RAPGEF5: variants seen among roughly 807,000 people sequenced by gnomAD.
RAPGEF5 encodes Rap guanine nucleotide exchange factor 5, also known as M-Ras-regulated GEF.
In RAPGEF5, 65 loss-of-function variants were observed where a neutral mutation model predicts 125.2. The ratio of observed to expected loss-of-function variants is 0.52; its 90% confidence interval spans 0.43 to 0.64. The LOEUF (loss-of-function observed/expected upper bound fraction) is 0.64, where lower values mean the gene tolerates loss of function less well. RAPGEF5 is among the 30% of genes least tolerant of loss of function. The pLI, the probability that RAPGEF5 is intolerant of heterozygous loss-of-function variation, is 0.00. For missense variants in RAPGEF5, 958 were observed against 1,048.1 expected (o/e 0.91, Z 1.19); for synonymous variants, 391 against 385.9 (o/e 1.01, Z -0.16).
intron 13 of RAPGEF5, among the ~76,000 whole-genome samples, chr7:22,161,538 ACAC>A: frequency 8.7e-5 from 1 of 11,464 alleles, no homozygotes; most frequent in East Asian, 3.0e-3. Flanking sequence ...CCCTGTCTCA[ACAC>A]ACACACACAC....
intron 1 of RAPGEF5, among the ~76,000 whole-genome samples, chr7:22,327,336 T>C (rs967214723): frequency 6.6e-6 from 1 of 152,258 alleles, no homozygotes; most frequent in Non-Finnish European, 1.5e-5. Flanking sequence ...TCCAGATTCT[T>C]ATTTACATTT....
At chr7:22,193,169 A>G (rs1785047867) in intron 11 of RAPGEF5, 198 bp downstream of exon 11, 1 of 616,252 alleles carries the variant, frequency 1.6e-6, no homozygotes, top group Admixed American at 3.0e-5. Flanking sequence ...GCTACTTCCC[A>G]GGGAGCTGCT....
chr7:22,122,392 T>G lies in RAPGEF5; in HGVS notation c.*14A>C, dbSNP rs1185378725. ...CAAAGTGCTGCAGATACAGGGGAGG[T>G]GAGGCAGTGGGGCTCACACCCGAGG... On this transcript the variant is annotated 3_prime_UTR_variant, in exon 26 of 26. Coordinates refer to ENST00000665637, the MANE Select transcript of RAPGEF5 (RefSeq NM_012294.5). 1 of 1,590,090 alleles carries G rather than the reference T, an allele frequency of 6.3e-7. No homozygotes were observed. The highest frequency in any genetic ancestry group is 2.2e-5 in the East Asian group (1 of 44,710).
At chr7:22,221,668 G>C (rs1191290752) in intron 8 of RAPGEF5, among the ~76,000 whole-genome samples, 1 of 152,084 alleles carries the variant, frequency 6.6e-6, no homozygotes, top group South Asian at 2.1e-4. Context: ...CCCTGCACAA[G>C]CTCTCTTGCC....
At chr7:22,125,437 G>T in intron 25 of RAPGEF5, 167 bp downstream of exon 25, 2 of 597,132 alleles carry the variant, frequency 3.3e-6, no homozygotes, top group Non-Finnish European at 2.9e-6. Context: ...TCCCCAACAT[G>T]CAGTGAGGAA....
rs1420542538 is a variant in RAPGEF5 at position 22,159,714 on chromosome 7, G to T, written c.1526+804C>A. The stretch of plus-strand genomic sequence containing the variant: ...CTGAAAGATTAATGACAGATACCTA[G>T]GGGACACTTAGACATGCCAAGAGTC... On this transcript the variant is annotated intron_variant, in intron 14 of 25. Transcript: ENST00000665637. 2.6e-5 allele frequency among the ~76,000 whole-genome samples: 4 copies of T among 152,142 alleles called. No homozygotes were observed. The East Asian group carries it at 7.7e-4, about 29-fold the overall frequency.
chr7:22,273,099 A>ATAGT (rs1332401163), intron 6 of RAPGEF5, among the ~76,000 whole-genome samples: 3 of 151,798 alleles, frequency 2.0e-5, no homozygotes, highest in African/African-American at 7.3e-5. Flanking sequence ...TATTTAACAG[A>ATAGT]TAGTTATTTC....
intron 3 of RAPGEF5, among the ~76,000 whole-genome samples, chr7:22,314,103 A>G (rs1783537154): frequency 6.6e-6 from 1 of 152,264 alleles, no homozygotes; most frequent in Non-Finnish European, 1.5e-5. Context: ...GATTGATTAA[A>G]TGTGCTTAAT....
At chr7:22,240,786 T>C (rs1383710744) in intron 7 of RAPGEF5, among the ~76,000 whole-genome samples, 1 of 152,180 alleles carries the variant, frequency 6.6e-6, no homozygotes, top group Non-Finnish European at 1.5e-5. Flanking sequence ...TCCTAGATAT[T>C]GCAAAATGTT....
chr7:22,217,233 T>C (rs187725001), intron 9 of RAPGEF5, among the ~76,000 whole-genome samples: 550 of 152,356 alleles, frequency 3.6e-3, no homozygotes, highest in Middle Eastern at 0.02. Flanking sequence ...CTTCAGGGTT[T>C]GGTCATTATT....
intron 3 of RAPGEF5, among the ~76,000 whole-genome samples, chr7:22,313,955 C>T (rs1169473141): frequency 2.0e-5 from 3 of 152,138 alleles, no homozygotes; most frequent in Non-Finnish European, 4.4e-5. Context: ...GAATGAATCC[C>T]TAATGGGAGG....
At chr7:22,310,175 T>G (rs1429693106) in intron 3 of RAPGEF5, 85 bp from the exon 4 acceptor site, 1 of 1,288,200 alleles carries the variant, frequency 7.8e-7, no homozygotes, top group Non-Finnish European at 9.9e-7. Flanking sequence ...ATACCTTTCC[T>G]TTCATGTGCT....
At chr7:22,327,280 C>T (rs1224826759) in intron 1 of RAPGEF5, among the ~76,000 whole-genome samples, 1 of 152,190 alleles carries the variant, frequency 6.6e-6, no homozygotes, top group Admixed American at 6.5e-5. Flanking sequence ...CATTCATATG[C>T]TCAAATCTCC....
Position 22,194,230 on chromosome 7 carries a change from T to C in RAPGEF5, c.997-197A>G, listed in dbSNP as rs865895137. ...TTAAAGTATCCAGGCTCAAGTGCTATGAAAACTTAAAACATTAGACAGACA... is the reference window on the plus strand; with the variant it reads ...TTAAAGTATCCAGGCTCAAGTGCTACGAAAACTTAAAACATTAGACAGACA... On this transcript the variant is annotated intron_variant, in intron 9 of 25. Coordinates refer to ENST00000665637, the MANE Select transcript of RAPGEF5 (RefSeq NM_012294.5). Among the ~76,000 whole-genome samples the C allele has an allele frequency of 3.3e-5, 5 of 152,236 alleles. 1 individual carries two copies. The Middle Eastern group carries it at 0.017, about 518-fold the overall frequency.
At chr7:22,313,508 G>A (rs1783520249) in intron 3 of RAPGEF5, among the ~76,000 whole-genome samples, 1 of 152,158 alleles carries the variant, frequency 6.6e-6, no homozygotes, top group Non-Finnish European at 1.5e-5. Context: ...GAAAAGAATG[G>A]TGGTCCTGGC....
intron 7 of RAPGEF5, among the ~76,000 whole-genome samples, chr7:22,241,875 G>A (rs1786340166): frequency 6.6e-6 from 1 of 152,078 alleles, no homozygotes; most frequent in Non-Finnish European, 1.5e-5. Flanking sequence ...ACTTGAAATG[G>A]CAGAATCTGT....
At chr7:22,193,657 C>G in intron 10 of RAPGEF5, 1 of 1,550,700 alleles carries the variant, frequency 6.4e-7, no homozygotes, top group Non-Finnish European at 8.7e-7. Context: ...CCGGGAGCTG[C>G]CCATTGTGAA....
At chr7:22,265,319 A>G (rs572335440) in intron 7 of RAPGEF5, among the ~76,000 whole-genome samples, 34 of 152,266 alleles carry the variant, frequency 2.2e-4, no homozygotes, top group African/African-American at 7.9e-4. Flanking sequence ...AATGAGATCA[A>G]CTTTTCTCGC....
intron 1 of RAPGEF5, among the ~76,000 whole-genome samples, chr7:22,343,157 G>A (rs2128387372): frequency 6.6e-6 from 1 of 152,300 alleles, no homozygotes; most frequent in East Asian, 1.9e-4. Context: ...TCACATGGTG[G>A]TAGACAAGGG....
Sources: gnomAD v4.1 joint callset for allele counts (sites outside exome capture counted in the v4.1 genomes callset) on GRCh38, gnomAD v4.1.1 for gene constraint, MANE v1.5 for transcripts, NCBI Gene and HGNC (gene_info 2026-07-23, HGNC 2026-07-21) for gene names.